The following SWT1 variants were observed in gnomAD, a reference collection of about 807,000 sequenced individuals.
The protein encoded by SWT1 is SWT1 RNA endoribonuclease homolog.
In SWT1, 33 loss-of-function variants were observed where a neutral mutation model predicts 107.3. The ratio of observed to expected loss-of-function variants is 0.31; its 90% confidence interval spans 0.23 to 0.41. The LOEUF (loss-of-function observed/expected upper bound fraction) is 0.41. Among genes scored for constraint, SWT1 ranks in the 10% least tolerant of loss-of-function variants. The pLI, the probability that SWT1 is intolerant of heterozygous loss-of-function variation, is 1.00. For synonymous variants in SWT1, 345 were observed against 348.3 expected (o/e 0.99, Z 0.11); for missense variants, 898 against 1,028.9 (o/e 0.87, Z 1.74).
At chr1:185,178,486 A>T (rs977347326) in intron 5 of SWT1, among the ~76,000 whole-genome samples, 6 of 152,208 alleles carry the variant, frequency 3.9e-5, no homozygotes, top group African/African-American at 1.4e-4. Flanking sequence ...TATCTTTGTT[A>T]CGATATTCCC....
chr1:185,211,930 A>G (rs1468794578), intron 13 of SWT1, among the ~76,000 whole-genome samples: 1 of 152,198 alleles, frequency 6.6e-6, no homozygotes, highest in East Asian at 1.9e-4. Context: ...ACTGGAAACC[A>G]TCATTCTCAG....
In SWT1 at chr1:185,256,865, T is replaced by A. The variant is rs918765393; in HGVS notation, c.2442-14458T>A. Among the ~76,000 whole-genome samples the A allele has an allele frequency of 2.0e-5, 3 of 152,216 alleles. 1 individual carries two copies. Among genetic ancestry groups the A allele is most frequent in the African/African-American group, 7.2e-5 (3 of 41,436 alleles). Reference sequence around the variant, plus strand: ...GGAAGAGGAGAGGTGCTCTGCTTTTTAGAGTTTCCAGTTTTTCTGTTCTGT... The same window carrying A: ...GGAAGAGGAGAGGTGCTCTGCTTTTAAGAGTTTCCAGTTTTTCTGTTCTGT... On this transcript the variant is annotated intron_variant, in intron 16 of 18. Transcript: ENST00000367500.
At chr1:185,170,468 A>G (rs1484660851) in intron 4 of SWT1, among the ~76,000 whole-genome samples, 1 of 152,082 alleles carries the variant, frequency 6.6e-6, no homozygotes, top group Non-Finnish European at 1.5e-5. Flanking sequence ...TGGGTACCTC[A>G]TGTCTCCTTG....
In SWT1 at chr1:185,175,105, C is replaced by A; in HGVS notation, c.958C>A (p.Leu320Ile). ...ESNDSHSREN[L>I]TQSFEAPCCS... is the part of the protein sequence containing the mutation. The stretch of plus-strand genomic sequence containing the variant: ...TAATGATTCACATTCTAGGGAAAAC[C>A]TAACCCAGGTAAGGTAGTAAAAAAT... The change falls in exon 5 of 19, where the codon CTA (leucine) becomes ATA (isoleucine). Residue 320 changes from leucine to isoleucine, a missense_variant. By Grantham distance (5) the Leu-to-Ile change is conservative. Transcript: ENST00000367500. 1 of 1,542,152 alleles carries A rather than the reference C, an allele frequency of 6.5e-7. No homozygotes were observed. Among genetic ancestry groups the A allele is most frequent in the South Asian group, 1.3e-5 (1 of 78,168 alleles).
At chr1:185,245,844 CTG>C (rs1411143723) in intron 16 of SWT1, among the ~76,000 whole-genome samples, 1 of 151,844 alleles carries the variant, frequency 6.6e-6, no homozygotes, top group Non-Finnish European at 1.5e-5. Context: ...TCTCGGCTCA[CTG>C]CAACCTCTGC....
intron 15 of SWT1, chr1:185,227,246 G>A (rs1414546774): frequency 3.0e-5 from 23 of 769,966 alleles, no homozygotes; most frequent in South Asian, 3.0e-4. Flanking sequence ...TGGTAATTCT[G>A]GCAAGACCTG....
intron 16 of SWT1, among the ~76,000 whole-genome samples, chr1:185,250,238 T>C (rs7413268): frequency 0.86 from 131,440 of 152,164 alleles, 57,161 homozygotes; most frequent in African/African-American, 0.97. Flanking sequence ...AGTGATCTTC[T>C]CGCCTCAGCC....
chr1:185,280,584 A>G (rs953916556), intron 18 of SWT1, among the ~76,000 whole-genome samples: 3 of 152,180 alleles, frequency 2.0e-5, no homozygotes, highest in African/African-American at 7.2e-5. Flanking sequence ...GCTGGTCACC[A>G]GAAGGACCCA....
intron 18 of SWT1, among the ~76,000 whole-genome samples, chr1:185,290,442 A>T (rs1665187675): frequency 6.6e-6 from 1 of 152,126 alleles, no homozygotes; most frequent in Non-Finnish European, 1.5e-5. Context: ...TAGTAATTTT[A>T]AAAATGTAGA....
intron 16 of SWT1, among the ~76,000 whole-genome samples, chr1:185,252,879 A>T (rs1248990583): frequency 2.0e-5 from 3 of 147,240 alleles, no homozygotes; most frequent in Admixed American, 6.8e-5. Context: ...CTGAATGGTA[A>T]TGCCTAGGTT....
chr1:185,214,093 C>T (rs1659033488), intron 13 of SWT1, among the ~76,000 whole-genome samples: 2 of 152,044 alleles, frequency 1.3e-5, no homozygotes, highest in South Asian at 2.1e-4. Flanking sequence ...CGAGAGGTAC[C>T]ATATATAACT....
chr1:185,248,689 G>A (rs1661783007), intron 16 of SWT1, among the ~76,000 whole-genome samples: 1 of 150,948 alleles, frequency 6.6e-6, no homozygotes, highest in South Asian at 2.1e-4. Flanking sequence ...GCTGAGATAT[G>A]GAAAATATCC....
intron 5 of SWT1, among the ~76,000 whole-genome samples, chr1:185,178,236 G>A (rs1189630627): frequency 4.6e-5 from 7 of 152,170 alleles, no homozygotes; most frequent in Admixed American, 1.3e-4. Flanking sequence ...TTGTAAAATT[G>A]CATGGAAGGA....
In SWT1 at chr1:185,217,369, C is replaced by G. The variant is rs181089978; in HGVS notation, c.2121+2714C>G. On this transcript the variant is annotated intron_variant, in intron 14 of 18. Transcript: ENST00000367500. Reference sequence around the variant, plus strand: ...CCATCACTCACATTACTGTCTGAGCCCCACCTTTTGTCAGATCAGCAGTGG... The same window carrying G: ...CCATCACTCACATTACTGTCTGAGCGCCACCTTTTGTCAGATCAGCAGTGG... Among the ~76,000 whole-genome samples, 346 of 152,198 alleles carry G rather than the reference C, an allele frequency of 2.3e-3. 1 individual carries two copies. Among genetic ancestry groups the G allele is most frequent in the South Asian group, 3.9e-3 (19 of 4,820 alleles).
chr1:185,175,051 C>A lies in SWT1; in HGVS notation c.904C>A (p.Arg302=). 1 of 1,596,248 alleles carries A rather than the reference C, an allele frequency of 6.3e-7. No individual in the cohort carries two copies. Among genetic ancestry groups the A allele is most frequent in the Admixed American group, 1.8e-5 (1 of 56,792 alleles). The change falls in exon 5 of 19, where the codon CGA becomes AGA. Residue 302 remains arginine (R), a synonymous_variant. Transcript: ENST00000367500. ...TYKRTVHEWK[R]KHHYDHQESN... is the part of the protein sequence containing the mutation. ...TAAGCGGACTGTTCATGAGTGGAAA[C>A]GAAAACATCATTATGACCATCAAGA...
intron 16 of SWT1, among the ~76,000 whole-genome samples, chr1:185,233,181 C>T (rs1023095927): frequency 1.3e-5 from 2 of 152,102 alleles, no homozygotes; most frequent in African/African-American, 4.8e-5. Flanking sequence ...CCAAGTGATT[C>T]TCAGCCCTAG....
chr1:185,237,344 A>G (rs1049807289), intron 16 of SWT1, among the ~76,000 whole-genome samples: 1 of 152,212 alleles, frequency 6.6e-6, no homozygotes, highest in Non-Finnish European at 1.5e-5. Flanking sequence ...AGTGTGGCAC[A>G]TATACACCAT....
At chr1:185,173,424 T>C (rs1558011003) in intron 4 of SWT1, among the ~76,000 whole-genome samples, 1 of 151,314 alleles carries the variant, frequency 6.6e-6, no homozygotes, top group Non-Finnish European at 1.5e-5. Context: ...TTGGGCGTAG[T>C]GGCTCATGCC....
At chr1:185,206,927 G>A (rs1283401853) in intron 13 of SWT1, among the ~76,000 whole-genome samples, 164 bp downstream of exon 13, 1 of 152,180 alleles carries the variant, frequency 6.6e-6, no homozygotes, top group African/African-American at 2.4e-5. Flanking sequence ...ATGAACAGAT[G>A]CAGCTCATAG....
Sources: allele counts gnomAD v4.1 joint callset (sites outside exome capture counted in the v4.1 genomes callset), GRCh38; gene constraint gnomAD v4.1.1; transcripts MANE v1.5; gene names NCBI Gene and HGNC (gene_info 2026-07-23, HGNC 2026-07-21).